SLCO1B3: variants seen among roughly 807,000 people sequenced by gnomAD.
SLCO1B3 encodes liver-specific organic anion transporter 2.
Under a neutral mutation model 71.8 loss-of-function variants are expected in SLCO1B3, and 72 were observed. The ratio of observed to expected loss-of-function variants is 1.00; its 90% CI spans 0.83 to 1.22. SLCO1B3 has a LOEUF of 1.22. Among genes scored for constraint, SLCO1B3 ranks in the 50% most tolerant of loss-of-function variants. The pLI is 0.00. For synonymous variants in SLCO1B3, 298 were observed against 278.4 expected, an observed-to-expected ratio of 1.07 and a Z score of -0.70; for missense variants, 911 against 819.7, an observed-to-expected ratio of 1.11 and a Z score of -1.36.
chr12:20,855,063 T>C lies in SLCO1B3; in HGVS notation c.120T>C (p.Ala40=), dbSNP rs771433571. Residue 40 remains alanine (A), a synonymous_variant, in exon 4 of 16, where the codon GCT becomes GCC. Coordinates refer to ENST00000381545, the MANE Select transcript of SLCO1B3 (RefSeq NM_019844.4). The stretch of plus-strand genomic sequence containing the variant: ...CAGCCCTGTCATTCAGCTATATTGC[T>C]AAAGCACTAGGTGGAATCATTATGA... ...FLAALSFSYI[A]KALGGIIMKI... is the part of the protein sequence containing the mutation. 4.3e-6 allele frequency: 7 copies of C among 1,612,158 alleles called. No homozygotes were observed. Among genetic ancestry groups the C allele is most frequent in the South Asian group, 1.1e-5 (1 of 90,972 alleles).
At chr12:20,812,695 A>T (rs1864129755) in intron 1 of SLCO1B3, among the ~76,000 whole-genome samples, 1 of 152,198 alleles carries the variant, frequency 6.6e-6, no homozygotes, top group Admixed American at 6.5e-5. Flanking sequence ...AATGGACATG[A>T]TATGCATAGG....
chr12:20,909,165 CTTTTTTTTTTT>C (rs1006708034), intron 15 of SLCO1B3, among the ~76,000 whole-genome samples: 8 of 123,864 alleles, frequency 6.5e-5, no homozygotes, highest in Non-Finnish European at 1.7e-5. Flanking sequence ...GCATCTTTTT[CTTTTTTTTTTT>C]TTTTTTTGAG....
At chr12:20,855,220 C>G in intron 4 of SLCO1B3, 51 bp downstream of exon 4, 1 of 1,482,072 alleles carries the variant, frequency 6.7e-7, no homozygotes, top group Admixed American at 1.9e-5. Context: ...AGTTGAAAAA[C>G]AAACTGTTCA....
At chr12:20,837,667 T>C (rs1412859061) in intron 3 of SLCO1B3, among the ~76,000 whole-genome samples, 1 of 152,158 alleles carries the variant, frequency 6.6e-6, no homozygotes, top group African/African-American at 2.4e-5. Flanking sequence ...TATTGTTGTC[T>C]GAGAACAAAT....
At chr12:20,842,603 T>C (rs1367434849) in intron 3 of SLCO1B3, among the ~76,000 whole-genome samples, 1 of 152,178 alleles carries the variant, frequency 6.6e-6, no homozygotes, top group Non-Finnish European at 1.5e-5. Flanking sequence ...TTTCAAAAAA[T>C]AGCCAAACTG....
intron 13 of SLCO1B3, among the ~76,000 whole-genome samples, chr12:20,883,936 C>A (rs1328626079): frequency 6.6e-6 from 1 of 152,042 alleles, no homozygotes; most frequent in Non-Finnish European, 1.5e-5. Context: ...CCTAATGAGC[C>A]AGTTAAGAGT....
rs1173321227 is a variant in SLCO1B3, at chr12:20,887,695, TA to T, written c.1682+4094del. ...TGTATACTCTGTTGATTATTATTATTATTTTTTTTTTTACTGAACAAAAGTT... is the reference window on the plus strand; with the variant it reads ...TGTATACTCTGTTGATTATTATTATTTTTTTTTTTTTACTGAACAAAAGTT... On this transcript the variant is annotated intron_variant, in intron 13 of 15. Coordinates refer to ENST00000381545, the MANE Select transcript of SLCO1B3 (RefSeq NM_019844.4). 9.9e-5 allele frequency among the ~76,000 whole-genome samples: 15 copies of T among 151,690 alleles called. 1 individual carries two copies. The South Asian group carries it at 1.2e-3, about 13-fold the overall frequency.
At chr12:20,845,647 C>A in intron 3 of SLCO1B3, among the ~76,000 whole-genome samples, 1 of 152,074 alleles carries the variant, frequency 6.6e-6, no homozygotes, top group East Asian at 1.9e-4. Flanking sequence ...ATCATATGAT[C>A]TATATTTGAG....
At chr12:20,860,926 C>G (rs1315265594) in intron 5 of SLCO1B3, 91 bp from the exon 6 acceptor site, 1 of 1,287,138 alleles carries the variant, frequency 7.8e-7, no homozygotes, top group South Asian at 1.4e-5. Flanking sequence ...GACAGCGGTT[C>G]AAATAAAGGA....
Position 20,834,671 on chromosome 12 carries a change from G to A in SLCO1B3, c.84+18849G>A, listed in dbSNP as rs186448376. Among the ~76,000 whole-genome samples the A allele has an allele frequency of 4.2e-3, 643 of 152,080 alleles. 1 individual carries two copies. The highest frequency in any genetic ancestry group is 8.1e-3 in the Admixed American group (123 of 15,242). On this transcript the variant is annotated intron_variant, in intron 3 of 15. Coordinates refer to ENST00000381545, the MANE Select transcript of SLCO1B3 (RefSeq NM_019844.4). ...ATAAGCTGAATGACTGATGCAAGAG[G>A]TGGGTCCCTCAGTCTTGGGCAGCTC...
intron 14 of SLCO1B3, among the ~76,000 whole-genome samples, chr12:20,900,813 C>G (rs1164885270): frequency 6.6e-6 from 1 of 152,140 alleles, no homozygotes; most frequent in African/African-American, 2.4e-5. Context: ...CGGAGCACCC[C>G]GTGAAGCTGG....
chr12:20,912,138 T>A (rs1219254020), intron 15 of SLCO1B3, among the ~76,000 whole-genome samples: 1 of 152,008 alleles, frequency 6.6e-6, no homozygotes, highest in Non-Finnish European at 1.5e-5. Flanking sequence ...TGAAATTTCA[T>A]CTTGACCCAT....
At chr12:20,847,064 T>C (rs546273129) in intron 3 of SLCO1B3, among the ~76,000 whole-genome samples, 1 of 152,150 alleles carries the variant, frequency 6.6e-6, no homozygotes, top group Non-Finnish European at 1.5e-5. Context: ...TCAAGCTTAC[T>C]GTGAAGCTAG....
chr12:20,914,851 C>G (rs190997652), intron 15 of SLCO1B3, among the ~76,000 whole-genome samples: 10 of 152,158 alleles, frequency 6.6e-5, no homozygotes, highest in Admixed American at 2.6e-4. Context: ...TTCTTGCTTG[C>G]ATGGTTTCTG....
chr12:20,885,449 T>C (rs1865775460), intron 13 of SLCO1B3, among the ~76,000 whole-genome samples: 1 of 152,000 alleles, frequency 6.6e-6, no homozygotes, highest in Admixed American at 6.6e-5. Flanking sequence ...TGGATATATA[T>C]AGAAGAACTA....
At chr12:20,860,699 T>G (rs1304044749) in intron 5 of SLCO1B3, among the ~76,000 whole-genome samples, 1 of 151,494 alleles carries the variant, frequency 6.6e-6, no homozygotes, top group African/African-American at 2.4e-5. Flanking sequence ...TAAATAGACA[T>G]AGTTAACAGA....
rs538977021 is a variant in SLCO1B3 at position 20,872,029 on chromosome 12, CA to C, written c.728-3200del. ...GCTGTCTGAGAGCCAAGGATTGGAG[CA>C]AAAAACCCTTGCAATTTACCTGTAA... On this transcript the variant is annotated intron_variant, in intron 8 of 15. Coordinates refer to ENST00000381545, the MANE Select transcript of SLCO1B3 (RefSeq NM_019844.4). 2.8e-3 allele frequency among the ~76,000 whole-genome samples: 421 copies of C among 152,056 alleles called. 2 individuals carry two copies. Among genetic ancestry groups the C allele is most frequent in the South Asian group, 0.017 (84 of 4,816 alleles).
intron 3 of SLCO1B3, among the ~76,000 whole-genome samples, chr12:20,844,747 C>T (rs1232371643): frequency 1.3e-5 from 2 of 151,026 alleles, no homozygotes; most frequent in African/African-American, 2.4e-5. Flanking sequence ...AAAAATTATT[C>T]GGCCAGGTGT....
chr12:20,827,584 C>G (rs372937047), intron 3 of SLCO1B3, among the ~76,000 whole-genome samples: 1 of 139,586 alleles, frequency 7.2e-6, no homozygotes, highest in African/African-American at 2.7e-5. Context: ...TTTTTTTTTT[C>G]TTTTTGAGAC....
Sources: allele counts gnomAD v4.1 joint callset (sites outside exome capture counted in the v4.1 genomes callset), GRCh38; gene constraint gnomAD v4.1.1; transcripts MANE v1.5; gene names NCBI Gene and HGNC (gene_info 2026-07-23, HGNC 2026-07-21).